Variants in TBCD observed in about 807,000 individuals in gnomAD.
TBCD encodes the protein tubulin-specific chaperone D.
A neutral mutation model predicts 169.3 loss-of-function variants in TBCD; 105 were observed. The ratio of observed to expected loss-of-function variants is 0.62; its 90% CI spans 0.53 to 0.73. The LOEUF (loss-of-function observed/expected upper bound fraction) is 0.73. Among genes scored for constraint, TBCD ranks in the 30% least tolerant of loss-of-function variants. The pLI is 0.00. For synonymous variants in TBCD, 700 were observed against 643.9 expected, an observed-to-expected ratio of 1.09 and a Z score of -1.32; for missense variants, 1,444 against 1,600.1, an observed-to-expected ratio of 0.90 and a Z score of 1.66.
chr17:82,783,556 C>T (rs1023602217), intron 7 of TBCD, among the ~76,000 whole-genome samples: 1 of 152,184 alleles, frequency 6.6e-6, no homozygotes, highest in African/African-American at 2.4e-5. Flanking sequence ...TGTGCTGTCC[C>T]TGTGGACTTG....
In TBCD at chr17:82,884,060, G is replaced by A; in HGVS notation, c.1476-85G>A. ...TGAACCTCAAGTGGGCCTGAGTCGTGAGAGAAAGGCTTTCTCATCGATACT... is the reference window on the plus strand; with the variant it reads ...TGAACCTCAAGTGGGCCTGAGTCGTAAGAGAAAGGCTTTCTCATCGATACT... On this transcript the variant is annotated intron_variant, in intron 14 of 38. Transcript: ENST00000355528. This position sits in a 1 kb window ranked among gnomAD's most constrained non-coding sequence, Gnocchi z 4.2. 2 of 1,360,376 alleles carry A rather than the reference G, an allele frequency of 1.5e-6. No individual in the cohort carries two copies. Among genetic ancestry groups the A allele is most frequent in the Middle Eastern group, 1.8e-4 (1 of 5,606 alleles). 84.3% of individuals were successfully genotyped at this position (1,360,376 alleles called of 1,614,324 possible).
intron 3 of TBCD, 44 bp from the exon 4 acceptor site, chr17:82,766,223 C>G (rs2048009223): frequency 1.3e-6 from 2 of 1,526,928 alleles, no homozygotes; most frequent in Non-Finnish European, 1.8e-6. Context: ...TTGCTGCTCT[C>G]TGTATTTTTA....
chr17:82,923,301 C>G lies in TBCD; in HGVS notation c.2179-351C>G, dbSNP rs986954152. On this transcript the variant is annotated intron_variant, in intron 25 of 38. Transcript: ENST00000355528. This position sits in a 1 kb window ranked among gnomAD's most constrained non-coding sequence, Gnocchi z 4.6. ...AGTGGTAGTAAAGTGATGCGTGTAT[C>G]TGACAGATGATGGTGAGCAGGCGTG... Among the ~76,000 whole-genome samples the G allele has an allele frequency of 3.3e-5, 5 of 152,220 alleles. No individual in the cohort carries two copies. Among genetic ancestry groups the G allele is most frequent in the Non-Finnish European group, 1.5e-5 (1 of 68,038 alleles).
chr17:82,858,501 A>G, intron 13 of TBCD: 1 of 896,866 alleles, frequency 1.1e-6, no homozygotes, highest in Non-Finnish European at 1.3e-6. Context: ...GCAGTTCTAC[A>G]GGTACTACGG....
intron 32 of TBCD, chr17:82,929,741 G>A (rs753053570): frequency 7.9e-6 from 5 of 629,556 alleles, no homozygotes; most frequent in Non-Finnish European, 1.4e-5. Context: ...CTCTTCCTGC[G>A]GCCGCAGCCT....
At chr17:82,863,608 C>T (rs1250167900) in intron 13 of TBCD, among the ~76,000 whole-genome samples, 8 of 152,246 alleles carry the variant, frequency 5.3e-5, no homozygotes, top group East Asian at 3.9e-4. Flanking sequence ...GTGCTCGGGA[C>T]GCAGCCTTTG....
rs199509385 is a variant in TBCD at position 82,929,139 on chromosome 17, C to T, written c.2720C>T (p.Ala907Val). ...TGTGAGCGCATCATGTGCTGTGTGG[C>T]CCAGCAGGCCAGTGAGAAGATTGAC... ...HTCERIMCCV[A>V]QQASEKIDRF... is the part of the protein sequence containing the mutation. Residue 907 changes from alanine to valine, a missense_variant, in exon 31 of 39, where the codon GCC becomes GTC. Ala to Val is a moderately conservative substitution (Grantham distance 64). Coordinates refer to ENST00000355528, the MANE Select transcript of TBCD (RefSeq NM_005993.5). The T allele has an allele frequency of 2.9e-5, 47 of 1,612,534 alleles. No homozygotes were observed. The highest frequency in any genetic ancestry group is 3.8e-5 in the Non-Finnish European group (45 of 1,179,870).
chr17:82,756,562 C>T (rs1035948165), intron 2 of TBCD, among the ~76,000 whole-genome samples: 1 of 152,204 alleles, frequency 6.6e-6, no homozygotes, highest in Admixed American at 6.5e-5. Context: ...TCACTGCATC[C>T]TCCAGCTCCC....
In TBCD at chr17:82,926,434, C is replaced by T; in HGVS notation, c.2414C>T (p.Ser805Phe). Residue 805 changes from serine to phenylalanine, a missense_variant, in exon 28 of 39, where the codon TCC (serine) becomes TTC (phenylalanine). Transcript: ENST00000355528. ...GGTTTAAGAGCAGTTACCCACACTT[C>T]CCCCGAGGACGTAAGTTTTGCTGAG... ...LTGLRAVTHTSPEDVSFAESR... is the reference protein window; with the variant it reads ...LTGLRAVTHTFPEDVSFAESR... 12 of 1,614,014 alleles carry T rather than the reference C, an allele frequency of 7.4e-6. No homozygotes were observed. The highest frequency in any genetic ancestry group is 9.3e-6 in the Non-Finnish European group (11 of 1,179,882).
intron 13 of TBCD, among the ~76,000 whole-genome samples, chr17:82,865,751 C>T (rs544331002): frequency 6.6e-6 from 1 of 152,334 alleles, no homozygotes; most frequent in South Asian, 2.1e-4. Flanking sequence ...GGGATTATTT[C>T]TACCTTTTGT....
chr17:82,768,659 T>A, intron 5 of TBCD, 93 bp downstream of exon 5: 1 of 1,410,322 alleles, frequency 7.1e-7, no homozygotes, highest in Non-Finnish European at 9.6e-7. Flanking sequence ...AAGCTTCTGA[T>A]ATGTATTCAA....
At position 82,855,846 on chromosome 17, in the gene TBCD, GTTTACTTA is replaced by G. The variant is rs2056228617; in HGVS notation, c.1319-14375_1319-14368del. ...CTGCCAGGCTGTTTTCTGCCTCTACGTTTACTTATTCTGAGAATTTTATACACATGGAG... is the reference window on the plus strand; with the variant it reads ...CTGCCAGGCTGTTTTCTGCCTCTACGTTCTGAGAATTTTATACACATGGAG... On this transcript the variant is annotated intron_variant, in intron 13 of 38. Transcript: ENST00000355528. Among the ~76,000 whole-genome samples the G allele has an allele frequency of 2.6e-5, 4 of 152,128 alleles. No individual in the cohort carries two copies. The South Asian group carries it at 8.3e-4, about 32-fold the overall frequency.
chr17:82,841,210 T>G (rs192415171), intron 13 of TBCD, among the ~76,000 whole-genome samples: 1,564 of 151,962 alleles, frequency 0.01, 21 homozygotes, highest in African/African-American at 0.035. Flanking sequence ...CCAAAGTGCT[T>G]GGATTACAGG....
In TBCD at chr17:82,796,576, G is replaced by A. The variant is rs2050121858; in HGVS notation, c.772-1181G>A. Among the ~76,000 whole-genome samples the A allele has an allele frequency of 1.3e-5, 2 of 152,214 alleles. 1 individual carries two copies. Among genetic ancestry groups the A allele is most frequent in the Admixed American group, 1.3e-4 (2 of 15,288 alleles). On this transcript the variant is annotated intron_variant, in intron 7 of 38. Coordinates refer to ENST00000355528, the MANE Select transcript of TBCD (RefSeq NM_005993.5). Reference sequence around the variant, plus strand: ...CCATTTTACAGACAGAGGAACAGGAGCGCAGAGACCCTGCTCTGCTCCACA... The same window carrying A: ...CCATTTTACAGACAGAGGAACAGGAACGCAGAGACCCTGCTCTGCTCCACA...
intron 13 of TBCD, among the ~76,000 whole-genome samples, chr17:82,849,829 C>T (rs573224019): frequency 6.6e-6 from 1 of 152,392 alleles, no homozygotes; most frequent in East Asian, 1.9e-4. Flanking sequence ...TGTGCACAAT[C>T]TGGAGGCAGA....
At chr17:82,894,968 C>G (rs2059382443) in intron 17 of TBCD, among the ~76,000 whole-genome samples, 1 of 152,234 alleles carries the variant, frequency 6.6e-6, no homozygotes, top group Non-Finnish European at 1.5e-5. Flanking sequence ...CAGAGTGAGA[C>G]TCCATCTAAA....
chr17:82,855,354 T>C (rs922168137), intron 13 of TBCD, among the ~76,000 whole-genome samples: 3 of 144,240 alleles, frequency 2.1e-5, no homozygotes, highest in African/African-American at 7.7e-5. Flanking sequence ...AGTCTTGGCC[T>C]CCTGGACTAA....
At chr17:82,829,939 T>C in intron 13 of TBCD, 1 of 830,574 alleles carries the variant, frequency 1.2e-6, no homozygotes, top group Admixed American at 2.8e-5. Flanking sequence ...CAACCAAAAG[T>C]AGAAGCACCT....
intron 37 of TBCD, among the ~76,000 whole-genome samples, chr17:82,941,146 G>A (rs1398845530): frequency 3.9e-5 from 6 of 152,222 alleles, no homozygotes; most frequent in Non-Finnish European, 1.5e-5. Flanking sequence ...TGCGCTGGGC[G>A]TGGTCCTTCC....
Sources: gnomAD v4.1 joint callset for allele counts (sites outside exome capture counted in the v4.1 genomes callset) on GRCh38, gnomAD v4.1.1 for gene constraint, Gnocchi (gnomAD v3.1) non-coding constraint, MANE v1.5 for transcripts, NCBI Gene and HGNC (gene_info 2026-07-23, HGNC 2026-07-21) for gene names.